Variants in LIPI observed in about 807,000 individuals in gnomAD.
LIPI encodes the protein lipase member I.
In LIPI, 59 loss-of-function variants were observed where a neutral mutation model predicts 50.6. The ratio of observed to expected loss-of-function variants is 1.16; its 90% CI spans 0.94 to 1.45. The LOEUF (loss-of-function observed/expected upper bound fraction) is 1.45. Among genes scored for constraint, LIPI ranks in the 40% most tolerant of loss-of-function variants. The probability of loss-of-function intolerance (pLI) is 0.00; values close to 1 mark genes in which losing one functional copy is unlikely to be tolerated. For synonymous variants in LIPI, 203 were observed against 178.2 expected (o/e 1.14, Z -1.11); for missense variants, 586 against 536.3 (o/e 1.09, Z -0.92).
At chr21:14,154,410 T>C (rs1223605701) in intron 7 of LIPI, among the ~76,000 whole-genome samples, 1 of 151,962 alleles carries the variant, frequency 6.6e-6, no homozygotes, top group Middle Eastern at 3.2e-3. Flanking sequence ...TGAGAAAGAC[T>C]ACTATTGAAA....
At chr21:14,206,874 T>G in intron 1 of LIPI, 1 of 1,612,822 alleles carries the variant, frequency 6.2e-7, no homozygotes, top group Non-Finnish European at 8.5e-7. Flanking sequence ...CTGAAAAGCA[T>G]GAGCACTATA....
At chr21:14,187,938 C>A (rs1471729630) in intron 2 of LIPI, among the ~76,000 whole-genome samples, 1 of 152,118 alleles carries the variant, frequency 6.6e-6, no homozygotes, top group Admixed American at 6.5e-5. Flanking sequence ...ACAGTTTGAA[C>A]CCATCCAGTC....
intron 7 of LIPI, among the ~76,000 whole-genome samples, chr21:14,158,519 A>G (rs1010502408): frequency 6.6e-6 from 1 of 151,096 alleles, no homozygotes; most frequent in African/African-American, 2.4e-5. Flanking sequence ...TTTCTGCCTC[A>G]AGAAAATAGA....
chr21:14,189,808 A>T (rs1404517225), intron 1 of LIPI, among the ~76,000 whole-genome samples: 1 of 152,108 alleles, frequency 6.6e-6, no homozygotes, highest in Admixed American at 6.6e-5. Context: ...ATTAGCATAA[A>T]ATATATTTAA....
intron 3 of LIPI, 47 bp from the exon 4 acceptor site, chr21:14,181,906 T>TTG: frequency 1.0e-6 from 1 of 980,270 alleles, no homozygotes; most frequent in South Asian, 1.3e-5. Flanking sequence ...TCCACAGAGC[T>TTG]CCTTACATTG....
intron 4 of LIPI, among the ~76,000 whole-genome samples, chr21:14,179,400 C>G (rs900864457): frequency 6.6e-6 from 1 of 152,018 alleles, no homozygotes; most frequent in Middle Eastern, 3.2e-3. Flanking sequence ...AAGATCAATC[C>G]AATGTTCCAA....
intron 8 of LIPI, among the ~76,000 whole-genome samples, chr21:14,145,127 T>TAG (rs11269463): frequency 2.6e-5 from 4 of 151,952 alleles, no homozygotes; most frequent in Admixed American, 6.6e-5. Flanking sequence ...ATGTGTTTTT[T>TAG]ACAGTTCCTT....
chr21:14,136,034 A>T (rs1323717493), intron 9 of LIPI, among the ~76,000 whole-genome samples: 1 of 152,174 alleles, frequency 6.6e-6, no homozygotes, highest in East Asian at 1.9e-4. Context: ...TCCAGGCTCT[A>T]GCTCCTAGAA....
chr21:14,194,761 C>A (rs923383190), intron 1 of LIPI, among the ~76,000 whole-genome samples: 1 of 152,102 alleles, frequency 6.6e-6, no homozygotes, highest in African/African-American at 2.4e-5. Context: ...TGACAGTGTG[C>A]ATGCAGTTAA....
intron 3 of LIPI, among the ~76,000 whole-genome samples, chr21:14,183,345 C>A (rs1365306062): frequency 6.6e-6 from 1 of 152,108 alleles, no homozygotes; most frequent in Non-Finnish European, 1.5e-5. Flanking sequence ...TAAAGACTTA[C>A]ATGTTAGTCT....
chr21:14,205,282 T>G (rs559661656), intron 1 of LIPI, among the ~76,000 whole-genome samples: 1 of 152,014 alleles, frequency 6.6e-6, no homozygotes, highest in Admixed American at 6.6e-5. Flanking sequence ...ACATGGAAAT[T>G]ATAGACTGGA....
intron 9 of LIPI, among the ~76,000 whole-genome samples, chr21:14,117,621 A>C (rs528945450): frequency 6.5e-4 from 99 of 152,270 alleles, no homozygotes; most frequent in African/African-American, 2.1e-3. Context: ...AACCAGATGA[A>C]AGCCCCAGTG....
At chr21:14,196,293 T>G (rs2019849970) in intron 1 of LIPI, among the ~76,000 whole-genome samples, 1 of 152,148 alleles carries the variant, frequency 6.6e-6, no homozygotes, top group Non-Finnish European at 1.5e-5. Context: ...AGCATTATGC[T>G]GAGCAAAAGA....
chr21:14,204,551 A>C (rs2020172946), intron 1 of LIPI, among the ~76,000 whole-genome samples: 1 of 151,978 alleles, frequency 6.6e-6, no homozygotes. Context: ...AATAAATGAC[A>C]TTTTGAAGAT....
chr21:14,167,574 C>A (rs905279042), intron 4 of LIPI, among the ~76,000 whole-genome samples: 15 of 152,314 alleles, frequency 9.8e-5, no homozygotes, highest in African/African-American at 2.2e-4. Flanking sequence ...CACTGTTCTG[C>A]AGCCACCACG....
intron 1 of LIPI, among the ~76,000 whole-genome samples, chr21:14,204,969 A>C (rs532677617): frequency 6.6e-6 from 1 of 151,860 alleles, no homozygotes; most frequent in Non-Finnish European, 1.5e-5. Context: ...ACAAAAAATG[A>C]ACTACGGAAG....
intron 1 of LIPI, among the ~76,000 whole-genome samples, chr21:14,202,396 C>G (rs551641881): frequency 1.2e-3 from 185 of 152,248 alleles, no homozygotes; most frequent in African/African-American, 4.3e-3. Context: ...GCCAAAAGAA[C>G]AAAGCTGGAG....
At chr21:14,170,412 A>G (rs894309483) in intron 4 of LIPI, among the ~76,000 whole-genome samples, 3 of 152,184 alleles carry the variant, frequency 2.0e-5, no homozygotes, top group Admixed American at 2.0e-4. Context: ...ACACAACAAA[A>G]AAAGAGAATT....
chr21:14,141,966 C>T (rs1347404147), intron 9 of LIPI, among the ~76,000 whole-genome samples: 1 of 152,118 alleles, frequency 6.6e-6, no homozygotes, highest in African/African-American at 2.4e-5. Context: ...AGAAAGCATG[C>T]ACTACAACTT....
Sources: gnomAD v4.1 joint callset for allele counts (sites outside exome capture counted in the v4.1 genomes callset) on GRCh38, gnomAD v4.1.1 for gene constraint, MANE v1.5 for transcripts, NCBI Gene and HGNC (gene_info 2026-07-23, HGNC 2026-07-21) for gene names.